The following ASXL2 variants were observed in gnomAD, a reference collection of about 807,000 sequenced individuals.
ASXL2 encodes the protein putative Polycomb group protein ASXL2.
ASXL2 carries 23 observed loss-of-function variants against 122.0 expected under a neutral mutation model. The observed-to-expected ratio is 0.19, with a 90% CI of 0.14 to 0.27. ASXL2 has a LOEUF of 0.27. Among genes scored for constraint, ASXL2 ranks in the 10% least tolerant of loss-of-function variants. ASXL2 has a pLI of 1.00. For synonymous variants in ASXL2, 650 were observed against 637.0 expected (o/e 1.02, Z -0.31); for missense variants, 1,518 against 1,713.8 (o/e 0.89, Z 2.02).
At chr2:25,773,009 G>C (rs1462432173) in intron 5 of ASXL2, among the ~76,000 whole-genome samples, 1 of 151,640 alleles carries the variant, frequency 6.6e-6, no homozygotes, top group Non-Finnish European at 1.5e-5. Flanking sequence ...AGGAGTTCAA[G>C]ACCAGCCTGA....
intron 9 of ASXL2, among the ~76,000 whole-genome samples, chr2:25,757,921 CAA>C (rs10524530): frequency 0.41 from 51,498 of 127,140 alleles, 9,769 homozygotes; most frequent in Non-Finnish European, 0.47. Flanking sequence ...GAGTCTTTAA[CAA>C]AAAAAAAAAA....
At chr2:25,773,884 G>A (rs2088503044) in intron 5 of ASXL2, among the ~76,000 whole-genome samples, 1 of 151,842 alleles carries the variant, frequency 6.6e-6, no homozygotes, top group African/African-American at 2.4e-5. Flanking sequence ...ACAAAAATTA[G>A]CTGGGTGTGG....
In ASXL2 at chr2:25,734,911, TAA is replaced by T. The variant is rs2087710766; in HGVS notation, c.*7116_*7117del. On this transcript the variant is annotated 3_prime_UTR_variant, in exon 13 of 13. Transcript: ENST00000435504. The stretch of plus-strand genomic sequence containing the variant: ...TCTCTCAAAAATGGAATAAGCTACT[TAA>T]TTCAAAGTTTACTTAAATCCATTTA... 6.6e-6 allele frequency: 1 copy of T among 152,222 alleles called. No individual in the cohort carries two copies. Among genetic ancestry groups the T allele is most frequent in the Non-Finnish European group, 1.5e-5 (1 of 68,028 alleles). 9.4% of individuals were successfully genotyped at this position (152,222 alleles called of 1,614,324 possible). A position where few individuals can be genotyped will look rare whatever the true frequency, so the allele number is the denominator to read the frequency against.
intron 1 of ASXL2, among the ~76,000 whole-genome samples, chr2:25,860,090 G>A (rs1381810163): frequency 6.6e-6 from 1 of 152,098 alleles, no homozygotes; most frequent in Non-Finnish European, 1.5e-5. Context: ...GGGAGGCCGA[G>A]GCGGCCGGAT....
intron 9 of ASXL2, among the ~76,000 whole-genome samples, chr2:25,756,708 G>C (rs2088141897): frequency 6.6e-6 from 1 of 152,128 alleles, no homozygotes. Flanking sequence ...AACTTTGCAG[G>C]CCATATGGCT....
intron 1 of ASXL2, among the ~76,000 whole-genome samples, chr2:25,868,212 AAGTAACTAAC>A (rs1374476759): frequency 6.6e-6 from 1 of 152,268 alleles, no homozygotes; most frequent in East Asian, 1.9e-4. Context: ...ATTTAGAAAT[AAGTAACTAAC>A]ACCATTGAAC....
At chr2:25,870,554 C>CCTGG (rs919802934) in intron 1 of ASXL2, among the ~76,000 whole-genome samples, 8 of 152,198 alleles carry the variant, frequency 5.3e-5, no homozygotes, top group Admixed American at 1.3e-4. Context: ...TCCCTGTTGT[C>CCTGG]CTGGCTACTC....
At position 25,742,606 on chromosome 2, in the gene ASXL2, C is replaced by T. The variant is rs552479532; in HGVS notation, c.3731G>A (p.Ser1244Asn). 16 of 1,613,864 alleles carry T rather than the reference C, an allele frequency of 9.9e-6. No homozygotes were observed. The highest frequency in any genetic ancestry group is 4.0e-5 in the African/African-American group (3 of 74,930). Residue 1244 changes from serine to asparagine, a missense_variant, in exon 13 of 13, where the codon AGT (serine) becomes AAT (asparagine). This residue lies in a region of ASXL2 where 831 missense variants were observed against 833.1 expected (regional missense o/e 1.00). Coordinates refer to ENST00000435504, the MANE Select transcript of ASXL2 (RefSeq NM_018263.6). ...TCTAGTGAACAGGTAATTCTCCTTA[C>T]TTAAAGTGGTTTGCTCATTCAATGG... ...EIPLNEQTTL[S>N]KENYLFTRGQ...
chr2:25,827,613 T>TA (rs767261494), intron 3 of ASXL2, among the ~76,000 whole-genome samples: 2 of 152,222 alleles, frequency 1.3e-5, no homozygotes, highest in Non-Finnish European at 2.9e-5. Context: ...ATTTAAAAAG[T>TA]AAACATTTGA....
intron 1 of ASXL2, among the ~76,000 whole-genome samples, chr2:25,863,436 T>C (rs1381111382): frequency 6.6e-6 from 1 of 151,848 alleles, no homozygotes; most frequent in Non-Finnish European, 1.5e-5. Context: ...CTCACACCTG[T>C]AATCCCAGCA....
At chr2:25,774,050 T>C (rs145374097) in intron 5 of ASXL2, among the ~76,000 whole-genome samples, 210 of 151,538 alleles carry the variant, frequency 1.4e-3, no homozygotes, top group Non-Finnish European at 2.6e-3. Flanking sequence ...ATAATATATA[T>C]ATATATAATT....
chr2:25,801,767 G>C (rs2089002085), intron 4 of ASXL2, among the ~76,000 whole-genome samples: 1 of 151,942 alleles, frequency 6.6e-6, no homozygotes, highest in South Asian at 2.1e-4. Flanking sequence ...TCTTTTACTA[G>C]TCTCTTAATT....
rs1415915580 is a variant in ASXL2 at position 25,806,451 on chromosome 2, A to T, written c.144-114T>A. 3 of 635,074 alleles carry T rather than the reference A, an allele frequency of 4.7e-6. No homozygotes were observed. The Admixed American group carries it at 8.6e-5, about 18-fold the overall frequency. The allele number at this position is 635,074 out of a possible 1,614,324, so 39.3% of individuals were successfully genotyped here. ...TAGTCAATACTCCTTTGACTTAAAC[A>T]TATCTTATAAACTATAAGAAGTCTA... On this transcript the variant is annotated intron_variant, in intron 3 of 12. Coordinates refer to ENST00000435504, the MANE Select transcript of ASXL2 (RefSeq NM_018263.6).
intron 5 of ASXL2, among the ~76,000 whole-genome samples, chr2:25,792,112 T>C (rs2088843486): frequency 6.6e-6 from 1 of 152,216 alleles, no homozygotes; most frequent in Non-Finnish European, 1.5e-5. Context: ...TCCTCCTGCC[T>C]CAGTCTACCA....
At chr2:25,852,990 A>C (rs2089734407) in intron 1 of ASXL2, among the ~76,000 whole-genome samples, 1 of 152,218 alleles carries the variant, frequency 6.6e-6, no homozygotes, top group Non-Finnish European at 1.5e-5. Flanking sequence ...ACAATAAAGG[A>C]AACAGAACAT....
intron 3 of ASXL2, among the ~76,000 whole-genome samples, chr2:25,817,566 G>A (rs1260037412): frequency 6.6e-6 from 1 of 152,062 alleles, no homozygotes; most frequent in African/African-American, 2.4e-5. Context: ...GGGTTATCAG[G>A]CATCATTTCT....
Position 25,794,370 on chromosome 2 carries a change from T to G in ASXL2, c.403+5015A>C, listed in dbSNP as rs530300355. 8.5e-5 allele frequency among the ~76,000 whole-genome samples: 13 copies of G among 152,332 alleles called. No individual in the cohort carries two copies. In the East Asian group the frequency reaches 2.3e-3, roughly 27 times the overall value. The stretch of plus-strand genomic sequence containing the variant: ...AGTTGCTTCATAATGCAATATTTTA[T>G]TTTGGGGAAAAGGCAGAGACTTCAC... On this transcript the variant is annotated intron_variant, in intron 5 of 12. Coordinates refer to ENST00000435504, the MANE Select transcript of ASXL2 (RefSeq NM_018263.6).
At chr2:25,766,626 C>T (rs10180261) in intron 8 of ASXL2, among the ~76,000 whole-genome samples, 26,583 of 152,084 alleles carry the variant, frequency 0.17, 2,530 homozygotes, top group Non-Finnish European at 0.22. Context: ...AGCTCGAACA[C>T]GATGGGAGGA....
At chr2:25,811,911 C>T (rs557390676) in intron 3 of ASXL2, among the ~76,000 whole-genome samples, 1 of 151,978 alleles carries the variant, frequency 6.6e-6, no homozygotes, top group East Asian at 2.0e-4. Flanking sequence ...ACCACCACAC[C>T]CAGCTAATTT....
Sources: gnomAD v4.1 joint callset for allele counts (sites outside exome capture counted in the v4.1 genomes callset) on GRCh38, gnomAD v4.1.1 for gene constraint, gnomAD v4.1.1 regional missense constraint, MANE v1.5 for transcripts, NCBI Gene and HGNC (gene_info 2026-07-23, HGNC 2026-07-21) for gene names.